RPS6KA2: variants seen among roughly 807,000 people sequenced by gnomAD.
RPS6KA2 encodes ribosomal protein S6 kinase A2.
Under a neutral mutation model 91.8 loss-of-function variants are expected in RPS6KA2, and 42 were observed. The ratio of observed to expected loss-of-function variants is 0.46; its 90% CI spans 0.36 to 0.59. The LOEUF (loss-of-function observed/expected upper bound fraction) is 0.59, where lower values mean the gene tolerates loss of function less well. Among genes scored for constraint, RPS6KA2 ranks in the 20% least tolerant of loss-of-function variants. The pLI is 0.00. For missense variants in RPS6KA2, 798 were observed against 978.5 expected, an observed-to-expected ratio of 0.82 and a Z score of 2.46; for synonymous variants, 414 against 393.6, an observed-to-expected ratio of 1.05 and a Z score of -0.61.
At chr6:166,750,339 T>G (rs1054711423) in intron 2 of RPS6KA2, among the ~76,000 whole-genome samples, 1 of 152,168 alleles carries the variant, frequency 6.6e-6, no homozygotes, top group Non-Finnish European at 1.5e-5. Flanking sequence ...CCCTGAGTTC[T>G]CACCAGCCTT....
At chr6:166,519,302 C>T (rs1474704337) in intron 3 of RPS6KA2, among the ~76,000 whole-genome samples, 2 of 152,216 alleles carry the variant, frequency 1.3e-5, no homozygotes, top group Non-Finnish European at 2.9e-5. Context: ...GATGTTTATT[C>T]TCTGGTACTT....
intron 2 of RPS6KA2, among the ~76,000 whole-genome samples, chr6:166,740,713 A>T (rs976704159): frequency 6.6e-6 from 1 of 152,272 alleles, no homozygotes; most frequent in African/African-American, 2.4e-5. Context: ...ATTTATAAAG[A>T]CCATCAACAA....
intron 2 of RPS6KA2, among the ~76,000 whole-genome samples, chr6:166,765,946 G>A (rs1356612166): frequency 6.6e-6 from 1 of 152,186 alleles, no homozygotes; most frequent in Non-Finnish European, 1.5e-5. Flanking sequence ...CAGCCTGTTA[G>A]GAACAAAACA....
At chr6:166,811,565 A>G (rs1779640768) in intron 2 of RPS6KA2, among the ~76,000 whole-genome samples, 1 of 152,216 alleles carries the variant, frequency 6.6e-6, no homozygotes, top group Admixed American at 6.5e-5. Flanking sequence ...TCAAGGCCAC[A>G]GTGAACTATA....
At position 166,657,401 on chromosome 6, in the gene RPS6KA2, C is replaced by T. The variant is rs59964074; in HGVS notation, c.124-118617G>A. On this transcript the variant is annotated intron_variant, in intron 2 of 21. Transcript: ENST00000503859. ...CGAGAGAAAAGTGTCTTATTTTCAA[C>T]GACAAAAATGAAAGTAAATTCACCA... Among the ~76,000 whole-genome samples, 951 of 151,266 alleles carry T rather than the reference C, an allele frequency of 6.3e-3. 11 individuals carry two copies. The highest frequency in any genetic ancestry group is 0.022 in the African/African-American group (896 of 41,278).
intron 1 of RPS6KA2, among the ~76,000 whole-genome samples, chr6:166,585,422 C>T (rs1785136719): frequency 6.7e-6 from 1 of 150,254 alleles, no homozygotes; most frequent in South Asian, 2.1e-4. Context: ...TTCACATTTA[C>T]TTATAATTGT....
chr6:166,433,318 G>C lies in RPS6KA2; in HGVS notation c.1333-828C>G, dbSNP rs995140439. ...CCCCCGCCCAGCATCTGTATCCGAT[G>C]TCTTAGGATAACAGATAAAGTTGCT... On this transcript the variant is annotated intron_variant, in intron 14 of 20. Coordinates refer to ENST00000265678, the MANE Select transcript of RPS6KA2 (RefSeq NM_021135.6). This position sits in a 1 kb window ranked among gnomAD's most constrained non-coding sequence, Gnocchi z 4.4. Among the ~76,000 whole-genome samples the C allele has an allele frequency of 1.3e-5, 2 of 152,130 alleles. No homozygotes were observed. Among genetic ancestry groups the C allele is most frequent in the African/African-American group, 4.8e-5 (2 of 41,500 alleles).
At chr6:166,689,132 G>T (rs1789119853) in intron 2 of RPS6KA2, among the ~76,000 whole-genome samples, 1 of 152,250 alleles carries the variant, frequency 6.6e-6, no homozygotes, top group Non-Finnish European at 1.5e-5. Flanking sequence ...GTGCCTGGAG[G>T]CTGCGCCAAA....
At chr6:166,757,701 C>T (rs1778056846) in intron 2 of RPS6KA2, 3 of 426,488 alleles carry the variant, frequency 7.0e-6, no homozygotes, top group Admixed American at 2.5e-5. Context: ...AGGCAGCCAC[C>T]CCGCACACCT....
At chr6:166,567,842 G>A (rs972093936) in intron 1 of RPS6KA2, among the ~76,000 whole-genome samples, 6 of 152,156 alleles carry the variant, frequency 3.9e-5, no homozygotes, top group East Asian at 1.9e-4. Context: ...CCAGCGATCC[G>A]TGCTAAGCTT....
intron 2 of RPS6KA2, among the ~76,000 whole-genome samples, chr6:166,679,599 T>C (rs1187028249): frequency 6.6e-6 from 1 of 152,262 alleles, no homozygotes; most frequent in Non-Finnish European, 1.5e-5. Flanking sequence ...AACAACGTGC[T>C]AGCAGCCCTG....
intron 2 of RPS6KA2, among the ~76,000 whole-genome samples, chr6:166,805,993 G>T (rs925534418): frequency 2.0e-5 from 3 of 152,054 alleles, no homozygotes; most frequent in African/African-American, 7.2e-5. Flanking sequence ...TCACTAAAGG[G>T]GTTCAAAGGC....
At chr6:166,750,104 C>A (rs1333129518) in intron 2 of RPS6KA2, among the ~76,000 whole-genome samples, 1 of 152,162 alleles carries the variant, frequency 6.6e-6, no homozygotes, top group African/African-American at 2.4e-5. Context: ...CCCTGAGGTG[C>A]CCATGCCGGA....
At chr6:166,796,913 A>G (rs1467903490) in intron 2 of RPS6KA2, among the ~76,000 whole-genome samples, 1 of 152,194 alleles carries the variant, frequency 6.6e-6, no homozygotes, top group African/African-American at 2.4e-5. Flanking sequence ...TCTCCCGCTA[A>G]TCTGGCTTTT....
intron 2 of RPS6KA2, among the ~76,000 whole-genome samples, chr6:166,835,191 GACC>G (rs1329179807): frequency 6.6e-6 from 1 of 152,116 alleles, no homozygotes; most frequent in African/African-American, 2.4e-5. Context: ...CTGTCTTGAT[GACC>G]ACATCACTGT....
intron 2 of RPS6KA2, among the ~76,000 whole-genome samples, chr6:166,675,659 A>G (rs1192112100): frequency 6.6e-6 from 1 of 152,096 alleles, no homozygotes; most frequent in Non-Finnish European, 1.5e-5. Context: ...AAGATCTAGT[A>G]AAGTTTCCTC....
intron 2 of RPS6KA2, among the ~76,000 whole-genome samples, chr6:166,747,897 A>G (rs978927908): frequency 1.3e-5 from 2 of 152,204 alleles, no homozygotes; most frequent in African/African-American, 2.4e-5. Flanking sequence ...CGACCTCTGC[A>G]GCTGTGAGAA....
intron 1 of RPS6KA2, among the ~76,000 whole-genome samples, chr6:166,587,784 C>A (rs1157765208): frequency 6.6e-6 from 1 of 152,108 alleles, no homozygotes; most frequent in African/African-American, 2.4e-5. Flanking sequence ...AGCCGTCTGG[C>A]CTCACTAGCA....
At chr6:166,696,501 C>T (rs1789362784) in intron 2 of RPS6KA2, among the ~76,000 whole-genome samples, 1 of 152,112 alleles carries the variant, frequency 6.6e-6, no homozygotes, top group African/African-American at 2.4e-5. Flanking sequence ...AAATCATTGC[C>T]CCTGAACCAT....
Sources: gnomAD v4.1 joint callset for allele counts (sites outside exome capture counted in the v4.1 genomes callset) on GRCh38, gnomAD v4.1.1 for gene constraint, Gnocchi (gnomAD v3.1) non-coding constraint, MANE v1.5 for transcripts, NCBI Gene and HGNC (gene_info 2026-07-23, HGNC 2026-07-21) for gene names.